Variants in DMD observed in about 807,000 individuals in gnomAD.
The protein encoded by DMD is mutant dystrophin.
Under a neutral mutation model 330.1 loss-of-function variants are expected in DMD, and 63 were observed. The observed-to-expected ratio is 0.19, with a 90% CI of 0.16 to 0.24. DMD has a LOEUF of 0.24. Among genes scored for constraint, DMD ranks in the 10% least tolerant of loss-of-function variants. The pLI is 1.00. For synonymous variants in DMD, 1,223 were observed against 959.8 expected, an observed-to-expected ratio of 1.27 and a Z score of -5.07; for missense variants, 3,344 against 2,684.1, an observed-to-expected ratio of 1.25 and a Z score of -5.43.
chrX:32,125,960 C>T (rs2096659650), intron 44 of DMD, among the ~76,000 whole-genome samples: 1 of 112,167 alleles, frequency 8.9e-6, no homozygotes, highest in South Asian at 3.7e-4. Flanking sequence ...CATCCCAGAT[C>T]TACTGAATCA....
chrX:32,967,713 A>G (rs2092218154), intron 2 of DMD, among the ~76,000 whole-genome samples: 1 of 111,759 alleles, frequency 8.9e-6, no homozygotes, highest in Non-Finnish European at 1.9e-5. Flanking sequence ...AGTGTAGACT[A>G]TAGCTGTTCT....
chrX:32,600,235 AT>A (rs1233950429), intron 12 of DMD, among the ~76,000 whole-genome samples: 5 of 112,071 alleles, frequency 4.5e-5, no homozygotes, highest in Non-Finnish European at 9.4e-5. Flanking sequence ...GATCTATGCT[AT>A]TTTACCCTTT....
At chrX:32,394,921 A>AAACAAAAAAAC (rs564629446) in intron 30 of DMD, among the ~76,000 whole-genome samples, 4 of 63,725 alleles carry the variant, frequency 6.3e-5, no homozygotes, top group African/African-American at 1.1e-4. Flanking sequence ...AAAAACAAAA[A>AAACAAAAAAAC]AAAAAAAAAA....
In DMD at chrX:32,565,817, T is replaced by C; in HGVS notation, c.1877A>G (p.Asp626Gly). 12 of 1,211,324 alleles carry C rather than the reference T, an allele frequency of 9.9e-6. No homozygotes were observed. Among genetic ancestry groups the C allele is most frequent in the Non-Finnish European group, 1.3e-5 (12 of 895,181 alleles). Residue 626 changes from aspartate to glycine, a missense_variant, in exon 16 of 79, where the codon GAT (aspartate) becomes GGT (glycine). Physicochemically the swap from Asp to Gly is moderately conservative, Grantham distance 94. Coordinates refer to ENST00000357033, the MANE Select transcript of DMD (RefSeq NM_004006.3). ...CTTATTCTTCAGTGTTGAAAGAAGA[T>C]CTTGTTTGAGTGAATACAGTTTGCC... ...SMGKLYSLKQ[D>G]LLSTLKNKSV...
chrX:32,306,684 C>T (rs1186341018), intron 42 of DMD, among the ~76,000 whole-genome samples: 1 of 109,644 alleles, frequency 9.1e-6, no homozygotes, highest in Admixed American at 9.8e-5. Flanking sequence ...CTTCAATTCT[C>T]CCTCCCTCCT....
At chrX:33,053,458 T>C (rs1375682411) in intron 1 of DMD, among the ~76,000 whole-genome samples, 1 of 109,916 alleles carries the variant, frequency 9.1e-6, no homozygotes, top group African/African-American at 3.3e-5. Context: ...TAGCCGGGCA[T>C]GGTGGCACGC....
chrX:32,370,347 C>G (rs1264713279), intron 34 of DMD, among the ~76,000 whole-genome samples: 1 of 109,658 alleles, frequency 9.1e-6, no homozygotes, highest in Non-Finnish European at 1.9e-5. Flanking sequence ...ATTACTCTAT[C>G]ATGGCTAGAG....
intron 44 of DMD, among the ~76,000 whole-genome samples, chrX:32,115,053 C>A (rs2096604598): frequency 8.9e-6 from 1 of 111,941 alleles, no homozygotes; most frequent in Admixed American, 9.5e-5. Flanking sequence ...TTCTTCATCC[C>A]ACTTGCCTGG....
chrX:33,120,108 T>A (rs2095413996), intron 1 of DMD, among the ~76,000 whole-genome samples: 1 of 112,211 alleles, frequency 8.9e-6, no homozygotes, highest in Non-Finnish European at 1.9e-5. Flanking sequence ...TGTGAAACAA[T>A]TTCTCGCTAA....
At chrX:32,520,745 A>C (rs1017301752) in intron 17 of DMD, among the ~76,000 whole-genome samples, 1 of 111,267 alleles carries the variant, frequency 9.0e-6, no homozygotes, top group Non-Finnish European at 1.9e-5. Context: ...TTCCAAATAA[A>C]CTGCTTGCAC....
chrX:33,329,764 C>G (rs987983220), intron 1 of DMD, among the ~76,000 whole-genome samples: 8 of 111,619 alleles, frequency 7.2e-5, no homozygotes, highest in Non-Finnish European at 1.3e-4. Flanking sequence ...AGAGTATTGA[C>G]TAGGAAGTGG....
At chrX:33,129,954 TAAAG>T (rs1018096129) in intron 1 of DMD, among the ~76,000 whole-genome samples, 23 of 111,873 alleles carry the variant, frequency 2.1e-4, no homozygotes, top group Non-Finnish European at 4.1e-4. Context: ...AATTACACTA[TAAAG>T]AAAGAATTAG....
At chrX:32,122,792 C>T (rs1345387022) in intron 44 of DMD, among the ~76,000 whole-genome samples, 1 of 111,228 alleles carries the variant, frequency 9.0e-6, no homozygotes, top group Non-Finnish European at 1.9e-5. Context: ...GGCAAAACTA[C>T]TCTGACAGAC....
chrX:32,402,978 T>G (rs1371547304), intron 30 of DMD, among the ~76,000 whole-genome samples: 5 of 111,761 alleles, frequency 4.5e-5, no homozygotes. Context: ...TGACACATAC[T>G]TAGTGACTAA....
chrX:33,261,764 A>G (rs1289366080), intron 1 of DMD, among the ~76,000 whole-genome samples: 1 of 110,619 alleles, frequency 9.0e-6, no homozygotes, highest in African/African-American at 3.3e-5. Flanking sequence ...TCCACGTGGT[A>G]GTAGACTATC....
At chrX:33,009,580 ATATGTGTG>A (rs1224293016) in intron 2 of DMD, among the ~76,000 whole-genome samples, 3 of 58,175 alleles carry the variant, frequency 5.2e-5, no homozygotes, top group African/African-American at 7.6e-5. Context: ...GTATATACAC[ATATGTGTG>A]TATGTGTGTA....
intron 44 of DMD, among the ~76,000 whole-genome samples, chrX:31,998,099 CTGTT>C (rs1288199040): frequency 9.0e-6 from 1 of 111,476 alleles, no homozygotes; most frequent in Admixed American, 9.5e-5. Context: ...TAGTCTACCA[CTGTT>C]TGTCAGCCCA....
At chrX:33,225,895 A>G (rs2052277616) in intron 1 of DMD, among the ~76,000 whole-genome samples, 1 of 111,330 alleles carries the variant, frequency 9.0e-6, no homozygotes, top group African/African-American at 3.3e-5. Context: ...AAAAAAATCC[A>G]TTAGAAAAAT....
At chrX:32,015,296 C>T (rs751253764) in intron 44 of DMD, among the ~76,000 whole-genome samples, 1 of 111,539 alleles carries the variant, frequency 9.0e-6, no homozygotes, top group African/African-American at 3.3e-5. Context: ...TTTTCTTGGC[C>T]CTACTCCCAA....
Sources: gnomAD v4.1 joint callset for allele counts (sites outside exome capture counted in the v4.1 genomes callset) on GRCh38, gnomAD v4.1.1 for gene constraint, MANE v1.5 for transcripts, NCBI Gene and HGNC (gene_info 2026-07-23, HGNC 2026-07-21) for gene names.